TUBGCP3: variants seen among roughly 807,000 people sequenced by gnomAD.
TUBGCP3 encodes the protein gamma-tubulin complex component 3.
In TUBGCP3, 50 loss-of-function variants were observed where a neutral mutation model predicts 123.1. The ratio of observed to expected loss-of-function variants is 0.41; its 90% CI spans 0.32 to 0.51. The LOEUF (loss-of-function observed/expected upper bound fraction) is 0.51, where lower values mean the gene tolerates loss of function less well. Ranked by LOEUF, TUBGCP3 falls within the 20% of genes least tolerant of loss-of-function variation. The pLI is 0.36. For synonymous variants in TUBGCP3, 405 were observed against 413.9 expected, an observed-to-expected ratio of 0.98 and a Z score of 0.26; for missense variants, 882 against 1,127.0, an observed-to-expected ratio of 0.78 and a Z score of 3.11.
chr13:112,508,375 C>T lies in TUBGCP3; in HGVS notation c.2087-3661G>A, dbSNP rs561390361. ...GTTAGAAGTTTTGACTTTGATTTTGCCCAACTCTTCTGTAGTATATCTTTA... is the reference window on the plus strand; with the variant it reads ...GTTAGAAGTTTTGACTTTGATTTTGTCCAACTCTTCTGTAGTATATCTTTA... On this transcript the variant is annotated intron_variant, in intron 17 of 21. Transcript: ENST00000261965. The surrounding 1 kb of genome is among the most constrained non-coding windows in gnomAD (Gnocchi z 4.2). Among the ~76,000 whole-genome samples the T allele has an allele frequency of 6.6e-6, 1 of 152,278 alleles. No individual in the cohort carries two copies. Among genetic ancestry groups the T allele is most frequent in the East Asian group, 1.9e-4 (1 of 5,172 alleles).
chr13:112,563,102 A>G (rs921264014), intron 3 of TUBGCP3, among the ~76,000 whole-genome samples: 3 of 152,120 alleles, frequency 2.0e-5, no homozygotes, highest in African/African-American at 7.2e-5. Context: ...CTTCAAACCC[A>G]GCTCAGGAAC....
At chr13:112,552,526 T>C (rs970809080) in intron 8 of TUBGCP3, among the ~76,000 whole-genome samples, 1 of 152,208 alleles carries the variant, frequency 6.6e-6, no homozygotes, top group Non-Finnish European at 1.5e-5. Flanking sequence ...AAAACAGTAC[T>C]AGACTGGGAA....
chr13:112,598,391 C>A, the TUBGCP3 span, among the ~76,000 whole-genome samples: 3 of 150,700 alleles, frequency 2.0e-5, no homozygotes, highest in African/African-American at 7.3e-5. Flanking sequence ...GCCATGAATA[C>A]AGGATAAATA....
chr13:112,551,182 G>A (rs1002655795), intron 8 of TUBGCP3, among the ~76,000 whole-genome samples: 2 of 152,206 alleles, frequency 1.3e-5, no homozygotes, highest in African/African-American at 4.8e-5. Flanking sequence ...ATATACAGGT[G>A]TATGTGAGTC....
At chr13:112,523,135 G>A (rs2139073108) in intron 13 of TUBGCP3, among the ~76,000 whole-genome samples, 1 of 152,306 alleles carries the variant, frequency 6.6e-6, no homozygotes, top group Middle Eastern at 3.4e-3. Context: ...ATTTACATCT[G>A]CAAAGCACAA....
chr13:112,486,242 C>A, intron 21 of TUBGCP3, 91 bp from the exon 22 acceptor site: 1 of 1,471,880 alleles, frequency 6.8e-7, no homozygotes, highest in East Asian at 2.4e-5. Flanking sequence ...TGGGTTGGGT[C>A]TGTTTTTCCT....
intron 3 of TUBGCP3, among the ~76,000 whole-genome samples, 167 bp downstream of exon 3, chr13:112,564,944 C>G (rs535608497): frequency 1.3e-5 from 2 of 152,268 alleles, no homozygotes; most frequent in South Asian, 4.1e-4. Flanking sequence ...GCTAAAACTT[C>G]TAATACTGAA....
intron 21 of TUBGCP3, 89 bp downstream of exon 21, chr13:112,489,492 G>C: frequency 1.1e-6 from 1 of 908,054 alleles, no homozygotes; most frequent in East Asian, 2.4e-5. Context: ...TGACAGGGCT[G>C]ACTCTGCTCT....
At chr13:112,578,544 G>A (rs1411098551) in intron 1 of TUBGCP3, among the ~76,000 whole-genome samples, 1 of 99,200 alleles carries the variant, frequency 1.0e-5, no homozygotes, top group Non-Finnish European at 1.8e-5. Flanking sequence ...GGGCGAAAGA[G>A]TGAGACTCCG....
intron 21 of TUBGCP3, among the ~76,000 whole-genome samples, chr13:112,487,854 G>A (rs530886771): frequency 1.9e-4 from 29 of 152,046 alleles, no homozygotes; most frequent in Admixed American, 5.9e-4. Context: ...TATGAGGGCC[G>A]GGCATGGTGG....
rs2139092956 is a variant in TUBGCP3, at chr13:112,527,454, T to C, written c.1366A>G (p.Thr456Ala). Residue 456 changes from threonine to alanine, a missense_variant, in exon 12 of 22, where the codon ACA becomes GCA. By Grantham distance (58) the Thr-to-Ala change is moderately conservative (BLOSUM62 0). Coordinates refer to ENST00000261965, the MANE Select transcript of TUBGCP3 (RefSeq NM_006322.6). Reference protein sequence around the residue: ...FFVASDPTVKTDRLWHDKYTL... With the variant: ...FFVASDPTVKADRLWHDKYTL... ...TACTTGTCGTGCCACAGTCGATCTG[T>C]TTTAACTGTTGGATCTGATGCTACA... 6.2e-7 allele frequency: 1 copy of C among 1,612,464 alleles called. No homozygotes were observed. The highest frequency in any genetic ancestry group is 1.1e-5 in the South Asian group (1 of 90,514).
chr13:112,496,871 A>T (rs1818633323), intron 20 of TUBGCP3, among the ~76,000 whole-genome samples: 1 of 152,018 alleles, frequency 6.6e-6, no homozygotes, highest in African/African-American at 2.4e-5. Context: ...CTGTAGTCCC[A>T]GCTACTTGGG....
At position 112,569,398 on chromosome 13, in the gene TUBGCP3, A is replaced by G. The variant is rs79219150; in HGVS notation, c.77-139T>C. 125 of 650,246 alleles carry G rather than the reference A, an allele frequency of 1.9e-4. 1 individual carries two copies. The African/African-American group carries it at 2.2e-3, about 11-fold the overall frequency. 40.3% of individuals were successfully genotyped at this position (650,246 alleles called of 1,614,324 possible). A position where few individuals can be genotyped will look rare whatever the true frequency, so the allele number is the denominator to read the frequency against. ...AAGGTCTTAACTGAGAGGACAGAAA[A>G]GCTATTAAGATATCAAAACAGAATG... On this transcript the variant is annotated intron_variant, in intron 1 of 21. Coordinates refer to ENST00000261965, the MANE Select transcript of TUBGCP3 (RefSeq NM_006322.6).
the TUBGCP3 span, among the ~76,000 whole-genome samples, chr13:112,599,727 G>T: frequency 6.6e-6 from 1 of 151,694 alleles, no homozygotes; most frequent in African/African-American, 2.4e-5. Flanking sequence ...CGCTGTGTTG[G>T]CCAGGCTGGT....
chr13:112,566,906 C>G (rs1398841871), intron 2 of TUBGCP3, among the ~76,000 whole-genome samples: 1 of 152,204 alleles, frequency 6.6e-6, no homozygotes, highest in African/African-American at 2.4e-5. Flanking sequence ...CAATATAAAA[C>G]ATACTAGCAC....
intron 1 of TUBGCP3, among the ~76,000 whole-genome samples, chr13:112,575,403 A>C (rs552359462): frequency 1.3e-5 from 2 of 152,364 alleles, no homozygotes; most frequent in African/African-American, 4.8e-5. Flanking sequence ...CACCAAGATG[A>C]CATAGCAATT....
At chr13:112,565,339 G>C (rs1005125550) in intron 2 of TUBGCP3, among the ~76,000 whole-genome samples, 161 bp from the exon 3 acceptor site, 30 of 152,218 alleles carry the variant, frequency 2.0e-4, no homozygotes, top group African/African-American at 2.4e-5. Context: ...CTATGAATCT[G>C]ATCAATTCAT....
intron 1 of TUBGCP3, among the ~76,000 whole-genome samples, chr13:112,576,467 C>T (rs1881815645): frequency 6.6e-6 from 1 of 152,040 alleles, no homozygotes; most frequent in Non-Finnish European, 1.5e-5. Context: ...TTGAAATCTG[C>T]TGAGAGTAAA....
At chr13:112,492,990 G>T (rs554703794) in intron 20 of TUBGCP3, among the ~76,000 whole-genome samples, 1 of 149,368 alleles carries the variant, frequency 6.7e-6, no homozygotes, top group East Asian at 2.0e-4. Context: ...ACGGGGCCTG[G>T]TGTCCTTGAG....
Sources: gnomAD v4.1 joint callset for allele counts (sites outside exome capture counted in the v4.1 genomes callset) on GRCh38, gnomAD v4.1.1 for gene constraint, Gnocchi (gnomAD v3.1) non-coding constraint, MANE v1.5 for transcripts, NCBI Gene and HGNC (gene_info 2026-07-23, HGNC 2026-07-21) for gene names.